Variants in RFPL1 observed in about 807,000 individuals in gnomAD.
The protein encoded by RFPL1 is ret finger protein like 1.
A neutral mutation model predicts 9.6 loss-of-function variants in RFPL1; 6 were observed. That is an observed-to-expected ratio of 0.62 (90% confidence interval 0.34 to 1.23). RFPL1 has a LOEUF of 1.23. Ranked by LOEUF, RFPL1 falls within the 50% of genes most tolerant of loss-of-function variation. RFPL1 has a pLI of 0.03. For synonymous variants in RFPL1, 145 were observed against 149.4 expected (o/e 0.97, Z 0.22); for missense variants, 352 against 398.4 (o/e 0.88, Z 0.99).
At chr22:29,435,345 C>T (rs746582874), upstream of RFPL1, among the ~76,000 whole-genome samples, 4 of 152,116 alleles carry the variant, frequency 2.6e-5, no homozygotes, top group Non-Finnish European at 5.9e-5. Context: ...TTGTCTGTTC[C>T]TTCTTCCCTG....
chr22:29,390,507 G>T, the RFPL1 span, among the ~76,000 whole-genome samples: 1 of 152,074 alleles, frequency 6.6e-6, no homozygotes, highest in Admixed American at 6.6e-5. Context: ...TTATATATCT[G>T]CAGTATAATA....
chr22:29,413,365 T>C, the RFPL1 span, among the ~76,000 whole-genome samples: 1 of 152,150 alleles, frequency 6.6e-6, no homozygotes, highest in Non-Finnish European at 1.5e-5. Flanking sequence ...GGGTGGTACA[T>C]GTGCTAAAAG....
chr22:29,410,033 TC>T, the RFPL1 span, among the ~76,000 whole-genome samples: 2 of 151,990 alleles, frequency 1.3e-5, no homozygotes, highest in African/African-American at 4.8e-5. Context: ...TCCACAAGCA[TC>T]GTCTATGCTT....
the RFPL1 span, among the ~76,000 whole-genome samples, chr22:29,389,885 G>A: frequency 6.6e-6 from 1 of 151,362 alleles, no homozygotes; most frequent in Non-Finnish European, 1.5e-5. Flanking sequence ...TGCAACCTCT[G>A]CCTCCCAGGT....
chr22:29,420,646 T>TTTTTTTTTTTTTG, the RFPL1 span, among the ~76,000 whole-genome samples: 1 of 136,584 alleles, frequency 7.3e-6, no homozygotes, highest in African/African-American at 2.7e-5. Flanking sequence ...TTTTTTTTTT[T>TTTTTTTTTTTTTG]TTTTTTTTTT....
At chr22:29,394,472 A>C in the RFPL1 span, among the ~76,000 whole-genome samples, 1 of 152,178 alleles carries the variant, frequency 6.6e-6, no homozygotes, top group African/African-American at 2.4e-5. Context: ...CCTCCCGAGT[A>C]GCTGGGATTA....
At chr22:29,441,573 C>T (rs1420249092) in exon 2 of RFPL1, 1 of 1,592,400 alleles carries the variant, frequency 6.3e-7, no homozygotes, top group African/African-American at 1.4e-5. Context: ...ACACAGCCAA[C>T]AACTTCCTCC....
the RFPL1 span, among the ~76,000 whole-genome samples, chr22:29,388,024 T>TC: frequency 6.6e-6 from 1 of 152,174 alleles, no homozygotes. Flanking sequence ...AGTTTTTTTT[T>TC]CTTTCTTCTT....
chr22:29,413,310 G>A, the RFPL1 span, among the ~76,000 whole-genome samples: 1 of 152,018 alleles, frequency 6.6e-6, no homozygotes, highest in African/African-American at 2.4e-5. Context: ...ACCCTTTGAT[G>A]AGAACATGAT....
the RFPL1 span, among the ~76,000 whole-genome samples, chr22:29,394,219 G>C: frequency 6.6e-6 from 1 of 152,262 alleles, no homozygotes; most frequent in Non-Finnish European, 1.5e-5. Flanking sequence ...ACAGAGTTTC[G>C]CTTTTGTTGC....
the RFPL1 span, among the ~76,000 whole-genome samples, chr22:29,397,896 C>A: frequency 2.0e-5 from 3 of 152,168 alleles, no homozygotes; most frequent in African/African-American, 7.2e-5. Context: ...GGCTCTGAGG[C>A]CATGTCCAAG....
At chr22:29,415,769 C>T in the RFPL1 span, among the ~76,000 whole-genome samples, 1 of 152,226 alleles carries the variant, frequency 6.6e-6, no homozygotes, top group Non-Finnish European at 1.5e-5. Context: ...GTCCAGGTGA[C>T]AGGGTCGTGA....
chr22:29,441,374 T>A (rs2062837931), intron 1 of RFPL1, 168 bp from the exon 2 acceptor site: 4 of 724,658 alleles, frequency 5.5e-6, no homozygotes, highest in Admixed American at 3.0e-5. Flanking sequence ...AGCATACCTA[T>A]GAGAATTTGA....
At chr22:29,441,470 C>T (rs1047145651) in intron 1 of RFPL1, 72 bp from the exon 2 acceptor site, 2 of 1,491,476 alleles carry the variant, frequency 1.3e-6, no homozygotes, top group Admixed American at 4.3e-5. Flanking sequence ...GATATTTGGG[C>T]CTTTGAAGTA....
chr22:29,400,231 C>G, the RFPL1 span, among the ~76,000 whole-genome samples: 1 of 152,078 alleles, frequency 6.6e-6, no homozygotes. Flanking sequence ...CTCCTGACCT[C>G]ATGATCCACC....
chr22:29,424,944 C>G, the RFPL1 span, among the ~76,000 whole-genome samples: 19 of 151,228 alleles, frequency 1.3e-4, no homozygotes, highest in African/African-American at 4.6e-4. Flanking sequence ...GTGGCTCACG[C>G]CTGTAATCCC....
At chr22:29,417,170 C>G in the RFPL1 span, among the ~76,000 whole-genome samples, 1 of 151,980 alleles carries the variant, frequency 6.6e-6, no homozygotes, top group Non-Finnish European at 1.5e-5. Context: ...ATGAGGCCGA[C>G]TCGCTCTTTG....
At chr22:29,410,279 TAG>T in the RFPL1 span, among the ~76,000 whole-genome samples, 12 of 122,496 alleles carry the variant, frequency 9.8e-5, no homozygotes, top group East Asian at 2.9e-4. Flanking sequence ...TCTATATATA[TAG>T]ATCTATATAT....
At chr22:29,437,385 T>G (rs1318611567), upstream of RFPL1, 7 of 452,978 alleles carry the variant, frequency 1.5e-5, no homozygotes, top group Admixed American at 1.2e-4. Context: ...GGAATTATCT[T>G]TACTGACAAC....
Sources: gnomAD v4.1 joint callset for allele counts (sites outside exome capture counted in the v4.1 genomes callset) on GRCh38, gnomAD v4.1.1 for gene constraint, MANE v1.5 for transcripts, NCBI Gene and HGNC (gene_info 2026-07-23, HGNC 2026-07-21) for gene names.